TANC2: variants seen among roughly 807,000 people sequenced by gnomAD.
TANC2 encodes tetratricopeptide repeat, ankyrin repeat and coiled-coil containing 2.
Under a neutral mutation model 210.5 loss-of-function variants are expected in TANC2, and 26 were observed. The observed-to-expected ratio is 0.12, with a 90% confidence interval of 0.09 to 0.17. The LOEUF (loss-of-function observed/expected upper bound fraction) is 0.17, where lower values mean the gene tolerates loss of function less well. TANC2 is among the 10% of genes least tolerant of loss of function. The pLI is 1.00. For missense variants in TANC2, 2,129 were observed against 2,608.9 expected (o/e 0.82, Z 4.01); for synonymous variants, 931 against 967.1 (o/e 0.96, Z 0.69).
chr17:63,338,415 T>C (rs2046110484), intron 11 of TANC2, among the ~76,000 whole-genome samples: 1 of 152,250 alleles, frequency 6.6e-6, no homozygotes, highest in South Asian at 2.1e-4. Flanking sequence ...CTTCTTACTT[T>C]AGGATGTTGC....
chr17:63,364,642 C>T (rs1598949270), intron 14 of TANC2, among the ~76,000 whole-genome samples: 1 of 152,140 alleles, frequency 6.6e-6, no homozygotes, highest in Non-Finnish European at 1.5e-5. Flanking sequence ...CATTTACAGG[C>T]CAGGCAAGGT....
At chr17:63,092,043 C>A (rs2037217252) in intron 3 of TANC2, among the ~76,000 whole-genome samples, 1 of 151,932 alleles carries the variant, frequency 6.6e-6, no homozygotes, top group African/African-American at 2.4e-5. Context: ...GAACATATTA[C>A]CCATTTTTAA....
intron 4 of TANC2, among the ~76,000 whole-genome samples, chr17:63,110,095 C>A (rs1194326704): frequency 6.6e-6 from 1 of 151,546 alleles, no homozygotes; most frequent in Non-Finnish European, 1.5e-5. Context: ...TCCTTGTGAC[C>A]CCTTATCAAC....
chr17:63,238,346 T>C (rs1366989222), intron 8 of TANC2, among the ~76,000 whole-genome samples: 2 of 152,274 alleles, frequency 1.3e-5, no homozygotes, highest in East Asian at 3.9e-4. Context: ...ATAAAATATA[T>C]CATCAAACAA....
intron 19 of TANC2, among the ~76,000 whole-genome samples, chr17:63,402,046 C>CA (rs2048360008): frequency 6.6e-6 from 1 of 152,212 alleles, no homozygotes; most frequent in Non-Finnish European, 1.5e-5. Flanking sequence ...TTCTGACCTT[C>CA]ATTTACTACT....
At chr17:63,000,186 A>G in intron 1 of TANC2, among the ~76,000 whole-genome samples, 1 of 152,210 alleles carries the variant, frequency 6.6e-6, no homozygotes. Context: ...CACGCATTTT[A>G]CCAAGAAAAC....
At chr17:63,330,614 TC>T (rs2045806359) in intron 11 of TANC2, among the ~76,000 whole-genome samples, 1 of 152,200 alleles carries the variant, frequency 6.6e-6, no homozygotes, top group African/African-American at 2.4e-5. Context: ...AAGTGTCCGT[TC>T]TTTTATAAGA....
At chr17:63,344,759 G>T (rs1405960718) in intron 12 of TANC2, among the ~76,000 whole-genome samples, 1 of 152,100 alleles carries the variant, frequency 6.6e-6, no homozygotes, top group Non-Finnish European at 1.5e-5. Context: ...CAAATTCTTT[G>T]ACATTACTTC....
intron 3 of TANC2, among the ~76,000 whole-genome samples, chr17:63,080,445 A>C (rs985645564): frequency 6.6e-6 from 1 of 152,254 alleles, no homozygotes; most frequent in African/African-American, 2.4e-5. Context: ...CTGGTGTACA[A>C]GATGTGTACT....
At chr17:63,274,319 G>C (rs1052907751) in intron 9 of TANC2, among the ~76,000 whole-genome samples, 1 of 151,842 alleles carries the variant, frequency 6.6e-6, no homozygotes, top group Non-Finnish European at 1.5e-5. Flanking sequence ...TGAGTCAACT[G>C]TCCAAAGCAA....
intron 5 of TANC2, among the ~76,000 whole-genome samples, chr17:63,174,958 A>G (rs957035598): frequency 1.3e-5 from 2 of 152,230 alleles, no homozygotes; most frequent in South Asian, 4.1e-4. Context: ...AAAATTATAA[A>G]TAAACATTGT....
intron 2 of TANC2, among the ~76,000 whole-genome samples, chr17:63,050,374 AAG>A (rs2035539492): frequency 6.6e-6 from 1 of 151,906 alleles, no homozygotes; most frequent in Non-Finnish European, 1.5e-5. Context: ...AAAAAAAAAA[AAG>A]AAAGAAAGTG....
exon 15 of TANC2, chr17:63,379,742 C>T (rs2047545668): frequency 6.2e-7 from 1 of 1,612,686 alleles, no homozygotes; most frequent in Non-Finnish European, 8.5e-7. Flanking sequence ...TACTTGCCTT[C>T]TGGTTTTCCC....
intron 2 of TANC2, among the ~76,000 whole-genome samples, chr17:63,019,655 G>A (rs1385899597): frequency 6.6e-6 from 1 of 152,132 alleles, no homozygotes; most frequent in Non-Finnish European, 1.5e-5. Context: ...TGAAGTCAGG[G>A]CTTTTAGAAT....
chr17:63,336,166 G>T lies in TANC2; in HGVS notation c.1576-3935G>T, dbSNP rs183131088. Among the ~76,000 whole-genome samples the T allele has an allele frequency of 3.0e-3, 460 of 152,324 alleles. 3 individuals are homozygous for T. The highest frequency in any genetic ancestry group is 0.011 in the African/African-American group (441 of 41,574). The stretch of plus-strand genomic sequence containing the variant: ...AAAATCAAACTTTAGAGTTGGAAGG[G>T]TTTTGCTGATTAGGAAATCAATCGG... On this transcript the variant is annotated intron_variant, in intron 11 of 27. Transcript: ENST00000689528.
intron 3 of TANC2, among the ~76,000 whole-genome samples, chr17:63,096,711 G>A (rs548531874): frequency 3.9e-5 from 6 of 152,188 alleles, no homozygotes; most frequent in African/African-American, 1.4e-4. Context: ...TGCTGTGAAC[G>A]TTCATGTTCA....
At chr17:63,182,471 C>A in intron 5 of TANC2, 1 of 277,380 alleles carries the variant, frequency 3.6e-6, no homozygotes, top group Non-Finnish European at 7.1e-6. Context: ...CAGATGATGC[C>A]TTCAGGGACA....
chr17:63,286,693 C>T (rs1387415161), intron 9 of TANC2, among the ~76,000 whole-genome samples: 2 of 152,144 alleles, frequency 1.3e-5, no homozygotes, highest in Non-Finnish European at 2.9e-5. Context: ...TTAAATGTAT[C>T]TTCTTTCCCC....
chr17:63,134,804 A>G (rs1027696422), intron 4 of TANC2, among the ~76,000 whole-genome samples: 3 of 152,190 alleles, frequency 2.0e-5, no homozygotes, highest in South Asian at 4.1e-4. Context: ...ACTTTATCCT[A>G]TAATTTCTTT....
Sources: allele counts gnomAD v4.1 joint callset (sites outside exome capture counted in the v4.1 genomes callset), GRCh38; gene constraint gnomAD v4.1.1; transcripts MANE v1.5; gene names NCBI Gene and HGNC (gene_info 2026-07-23, HGNC 2026-07-21).